Variants in EWSR1 observed in about 807,000 individuals in gnomAD.
EWSR1 encodes RNA-binding protein EWS.
A neutral mutation model predicts 92.1 loss-of-function variants in EWSR1; 14 were observed. The observed-to-expected ratio is 0.15, with a 90% CI of 0.10 to 0.24. The LOEUF (loss-of-function observed/expected upper bound fraction) is 0.24, where lower values mean the gene tolerates loss of function less well. Among genes scored for constraint, EWSR1 ranks in the 10% least tolerant of loss-of-function variants. The probability of loss-of-function intolerance (pLI) is 1.00; values close to 1 mark genes in which losing one functional copy is unlikely to be tolerated. For synonymous variants in EWSR1, 303 were observed against 292.9 expected, an observed-to-expected ratio of 1.03 and a Z score of -0.35; for missense variants, 637 against 870.9, an observed-to-expected ratio of 0.73 and a Z score of 3.38.
In EWSR1 at chr22:29,272,934, G is replaced by A. The variant is rs539063317; in HGVS notation, c.102+503G>A. ...CTAGGCCAACAGATTCTAGAAATTA[G>A]CCTTCTAGTGTTTTCAAGATAATGT... On this transcript the variant is annotated intron_variant, in intron 3 of 16. Coordinates refer to ENST00000397938, the MANE Select transcript of EWSR1 (RefSeq NM_005243.4). Among the ~76,000 whole-genome samples the A allele has an allele frequency of 1.7e-4, 26 of 152,250 alleles. No individual in the cohort carries two copies. The South Asian group carries it at 5.2e-3, about 30-fold the overall frequency.
intron 4 of EWSR1, 177 bp from the exon 5 acceptor site, chr22:29,277,853 C>A: frequency 1.7e-6 from 1 of 578,276 alleles, no homozygotes; most frequent in Non-Finnish European, 3.0e-6. Flanking sequence ...TAGGTACATT[C>A]AGAGAACTTA....
intron 4 of EWSR1, chr22:29,274,309 T>C: frequency 6.2e-7 from 1 of 1,612,994 alleles, no homozygotes. Flanking sequence ...CATTCTTGCA[T>C]GGGAAATGCT....
intron 4 of EWSR1, chr22:29,277,233 T>C (rs1033484098): frequency 8.8e-6 from 2 of 226,082 alleles, no homozygotes; most frequent in African/African-American, 4.4e-5. Context: ...ACCTCCAATA[T>C]TGCTGAGCAG....
At chr22:29,299,571 T>G (rs780845555) in intron 15 of EWSR1, 28 bp from the exon 16 acceptor site, 1 of 1,558,232 alleles carries the variant, frequency 6.4e-7, no homozygotes, top group Admixed American at 1.8e-5. Context: ...ACCCACTGAC[T>G]GCTTTCGCCC....
In EWSR1 at chr22:29,299,636, G is replaced by A. The variant is rs1194133228; in HGVS notation, c.1716G>A (p.Arg572=). The part of the protein sequence containing the change: ...DRGRGGPGGM[R]GGRGGLMDRG... ...GCAGAGGTGGCCCTGGTGGCATGCGGGGAGGAAGAGGTGGCCTCATGGATC... is the reference window on the plus strand; with the variant it reads ...GCAGAGGTGGCCCTGGTGGCATGCGAGGAGGAAGAGGTGGCCTCATGGATC... Residue 572 remains arginine, a synonymous_variant, in exon 16 of 17, where the codon CGG becomes CGA. Transcript: ENST00000397938. 1 of 1,608,138 alleles carries A rather than the reference G, an allele frequency of 6.2e-7. No individual in the cohort carries two copies. Among genetic ancestry groups the A allele is most frequent in the African/African-American group, 1.3e-5 (1 of 74,708 alleles).
intron 3 of EWSR1, 27 bp from the exon 4 acceptor site, chr22:29,273,714 T>C: frequency 1.9e-6 from 3 of 1,600,668 alleles, no homozygotes; most frequent in Non-Finnish European, 2.5e-6. Flanking sequence ...TGTATGAAGT[T>C]CTTGCATTCG....
chr22:29,272,318 T>C, intron 2 of EWSR1, 62 bp from the exon 3 acceptor site: 1 of 1,610,604 alleles, frequency 6.2e-7, no homozygotes, highest in Non-Finnish European at 8.5e-7. Flanking sequence ...GAGCCTTCTA[T>C]AATTGTAGAG....
At chr22:29,283,147 T>G (rs1439346570) in intron 6 of EWSR1, among the ~76,000 whole-genome samples, 10 of 152,198 alleles carry the variant, frequency 6.6e-5, no homozygotes, top group African/African-American at 2.4e-4. Flanking sequence ...GCTGTTTTAG[T>G]TAACTCAGAT....
intron 5 of EWSR1, among the ~76,000 whole-genome samples, chr22:29,279,840 A>G (rs1260003009): frequency 6.6e-6 from 1 of 152,212 alleles, no homozygotes; most frequent in Non-Finnish European, 1.5e-5. Context: ...CATCAGATGT[A>G]TGAAGTCCCA....
chr22:29,291,967 C>T (rs1007812768), intron 9 of EWSR1, 170 bp from the exon 10 acceptor site: 6 of 663,210 alleles, frequency 9.0e-6, no homozygotes, highest in Non-Finnish European at 1.6e-5. Context: ...CCTAGCAAAC[C>T]TTTCACAAAT....
chr22:29,299,991 G>T (rs1321531971), intron 16 of EWSR1, 131 bp from the exon 17 acceptor site: 1 of 1,332,910 alleles, frequency 7.5e-7, no homozygotes, highest in Admixed American at 2.2e-5. Flanking sequence ...GCACCTGGGG[G>T]CTCTGGAAGG....
intron 13 of EWSR1, 49 bp downstream of exon 13, chr22:29,297,998 T>A (rs778472457): frequency 1.3e-6 from 2 of 1,562,778 alleles, no homozygotes; most frequent in South Asian, 2.3e-5. Flanking sequence ...TCAGTACACT[T>A]CATACCCTTG....
At chr22:29,283,061 C>CCAG (rs1220871183) in intron 6 of EWSR1, among the ~76,000 whole-genome samples, 1 of 152,162 alleles carries the variant, frequency 6.6e-6, no homozygotes, top group African/African-American at 2.4e-5. Context: ...CGCACCCGGC[C>CCAG]CAGCTAATAA....
At chr22:29,287,808 T>A (rs1263504478) in intron 7 of EWSR1, among the ~76,000 whole-genome samples, 1 of 152,216 alleles carries the variant, frequency 6.6e-6, no homozygotes, top group Admixed American at 6.5e-5. Flanking sequence ...GGGAGGCAGC[T>A]ATTGCAGGCC....
intron 3 of EWSR1, 120 bp from the exon 4 acceptor site, chr22:29,273,619 TTG>T (rs1419793407): frequency 8.9e-7 from 1 of 1,128,138 alleles, no homozygotes; most frequent in Non-Finnish European, 1.2e-6. Context: ...TGTTTTTGTT[TTG>T]TTTTTTTAAT....
At position 29,277,205 on chromosome 22, in the gene EWSR1, GGA is replaced by G. The variant is rs566106572; in HGVS notation, c.227-820_227-819del. 7.5e-4 allele frequency: 170 copies of G among 226,100 alleles called. 1 individual carries two copies. Among genetic ancestry groups the G allele is most frequent in the Non-Finnish European group, 1.2e-3 (138 of 113,668 alleles). 14.0% of individuals were successfully genotyped at this position (226,100 alleles called of 1,614,324 possible). On this transcript the variant is annotated intron_variant, in intron 4 of 16. Coordinates refer to ENST00000397938, the MANE Select transcript of EWSR1 (RefSeq NM_005243.4). ...CTGGTTAGTGAAATACTGAAGGGGA[GGA>G]GAGACTCTAGGGTTTACCTCCAATA...
intron 1 of EWSR1, among the ~76,000 whole-genome samples, chr22:29,270,906 G>A (rs1032638615): frequency 6.6e-6 from 1 of 152,166 alleles, no homozygotes; most frequent in Non-Finnish European, 1.5e-5. Flanking sequence ...TTATAGGTTA[G>A]CCTTTGGGCA....
intron 5 of EWSR1, among the ~76,000 whole-genome samples, chr22:29,281,026 C>G (rs2059556681): frequency 6.6e-6 from 1 of 151,504 alleles, no homozygotes; most frequent in Non-Finnish European, 1.5e-5. Flanking sequence ...ACTACAGGCA[C>G]CCACCATGAT....
Position 29,272,548 on chromosome 22 carries a change from C to A in EWSR1, c.102+117C>A. The A allele has an allele frequency of 4.7e-6, 5 of 1,074,252 alleles. No individual in the cohort carries two copies. In the South Asian group the frequency reaches 7.0e-5, roughly 15 times the overall value. The allele number at this position is 1,074,252 out of a possible 1,614,324, so 66.5% of individuals were successfully genotyped here. A position where few individuals can be genotyped will look rare whatever the true frequency, so the allele number is the denominator to read the frequency against. On this transcript the variant is annotated intron_variant, in intron 3 of 16. Coordinates refer to ENST00000397938, the MANE Select transcript of EWSR1 (RefSeq NM_005243.4). ...GTAATGTGTTTGGAATAGTAAAATA[C>A]CCAGGCATTTTAAACTTTCACAGTG...
Sources: allele counts gnomAD v4.1 joint callset (sites outside exome capture counted in the v4.1 genomes callset), GRCh38; gene constraint gnomAD v4.1.1; transcripts MANE v1.5; gene names NCBI Gene and HGNC (gene_info 2026-07-23, HGNC 2026-07-21).